The following SYT1 variants were observed in gnomAD, a reference collection of about 807,000 sequenced individuals.
The protein encoded by SYT1 is synaptotagmin 1.
SYT1 carries 8 observed loss-of-function variants against 44.8 expected under a neutral mutation model. That is an observed-to-expected ratio of 0.18 (90% CI 0.10 to 0.32). The LOEUF is 0.32. SYT1 is among the 10% of genes least tolerant of loss of function. The probability of loss-of-function intolerance (pLI) is 1.00; values close to 1 mark genes in which losing one functional copy is unlikely to be tolerated. For missense variants in SYT1, 286 were observed against 509.3 expected (o/e 0.56, Z 4.22); for synonymous variants, 154 against 188.8 (o/e 0.82, Z 1.51).
At chr12:78,876,974 C>T (rs140779564) in intron 1 of SYT1, among the ~76,000 whole-genome samples, 1,391 of 79,024 alleles carry the variant, frequency 0.018, 17 homozygotes, top group South Asian at 0.091. Context: ...ATGCACCTGG[C>T]TCCTCTAGTA....
intron 3 of SYT1, among the ~76,000 whole-genome samples, chr12:79,188,513 C>A (rs2138439430): frequency 6.6e-6 from 1 of 152,136 alleles, no homozygotes; most frequent in African/African-American, 2.4e-5. Context: ...CTTCCTTTAT[C>A]TTTATTGCAT....
At chr12:79,037,100 C>G (rs990391077) in intron 2 of SYT1, among the ~76,000 whole-genome samples, 10 of 151,816 alleles carry the variant, frequency 6.6e-5, no homozygotes, top group Admixed American at 2.0e-4. Flanking sequence ...CAACCAAAGC[C>G]CCCCCAGGTA....
At chr12:79,234,709 TTTC>T (rs1313068087) in intron 4 of SYT1, among the ~76,000 whole-genome samples, 245 of 21,900 alleles carry the variant, frequency 0.011, no homozygotes, top group African/African-American at 0.029. Flanking sequence ...TCTTTCTTTC[TTTC>T]TTTTTTTTTT....
At chr12:79,268,587 T>C (rs1321775534) in intron 4 of SYT1, among the ~76,000 whole-genome samples, 1 of 152,228 alleles carries the variant, frequency 6.6e-6, no homozygotes, top group East Asian at 1.9e-4. Context: ...CCCTAAAAAG[T>C]CACAGGTAAC....
At chr12:79,171,996 G>C (rs1871555481) in intron 3 of SYT1, among the ~76,000 whole-genome samples, 1 of 151,874 alleles carries the variant, frequency 6.6e-6, no homozygotes, top group Non-Finnish European at 1.5e-5. Context: ...AAGGTATCTT[G>C]ATTGTTACTA....
chr12:79,113,768 A>G (rs1879138112), intron 3 of SYT1, among the ~76,000 whole-genome samples: 1 of 152,086 alleles, frequency 6.6e-6, no homozygotes, highest in African/African-American at 2.4e-5. Flanking sequence ...CTCACCACTA[A>G]TCCCAGTTCC....
At chr12:79,130,562 A>G (rs560042229) in intron 3 of SYT1, among the ~76,000 whole-genome samples, 8 of 152,308 alleles carry the variant, frequency 5.3e-5, no homozygotes, top group Admixed American at 1.3e-4. Context: ...ATTTGGAGCA[A>G]AGATCAAGTT....
At chr12:79,287,024 T>C (rs1380155021) in intron 5 of SYT1, among the ~76,000 whole-genome samples, 4 of 152,172 alleles carry the variant, frequency 2.6e-5, no homozygotes, top group Admixed American at 2.6e-4. Context: ...TAATCAGGTG[T>C]TACAACAGGC....
chr12:79,432,283 T>C (rs1457401144), intron 9 of SYT1, among the ~76,000 whole-genome samples: 1 of 152,070 alleles, frequency 6.6e-6, no homozygotes, highest in Non-Finnish European at 1.5e-5. Flanking sequence ...TACATATGTA[T>C]ACATGTGCCA....
intron 4 of SYT1, among the ~76,000 whole-genome samples, chr12:79,281,331 C>T (rs923030924): frequency 6.6e-6 from 1 of 152,054 alleles, no homozygotes; most frequent in Non-Finnish European, 1.5e-5. Flanking sequence ...ATAGATAGAT[C>T]ATGGAATACT....
At chr12:78,896,799 T>C (rs1415737725) in intron 1 of SYT1, among the ~76,000 whole-genome samples, 1 of 151,886 alleles carries the variant, frequency 6.6e-6, no homozygotes, top group East Asian at 1.9e-4. Context: ...CTTCATTTCT[T>C]TTTGATGAAT....
At chr12:79,228,435 T>C (rs1875657097) in intron 4 of SYT1, among the ~76,000 whole-genome samples, 1 of 152,192 alleles carries the variant, frequency 6.6e-6, no homozygotes. Context: ...ATTCAGTTGC[T>C]CAGATATTTC....
chr12:79,022,244 T>C (rs760433754), intron 2 of SYT1, among the ~76,000 whole-genome samples: 5 of 151,764 alleles, frequency 3.3e-5, no homozygotes, highest in Non-Finnish European at 7.4e-5. Context: ...GTCTCTTAGA[T>C]AGGGTAAATA....
At chr12:79,183,098 A>C (rs2138419813) in intron 3 of SYT1, among the ~76,000 whole-genome samples, 1 of 152,164 alleles carries the variant, frequency 6.6e-6, no homozygotes, top group Middle Eastern at 3.4e-3. Context: ...GACTATGTGG[A>C]ATTCACTTTT....
At chr12:79,261,516 A>C (rs575224049) in intron 4 of SYT1, among the ~76,000 whole-genome samples, 1 of 152,316 alleles carries the variant, frequency 6.6e-6, no homozygotes, top group East Asian at 1.9e-4. Context: ...TTTTAAGAGA[A>C]GCAAATCAAA....
At chr12:79,211,620 G>T (rs1874462421) in intron 3 of SYT1, among the ~76,000 whole-genome samples, 1 of 122,830 alleles carries the variant, frequency 8.1e-6, no homozygotes, top group South Asian at 2.5e-4. Context: ...TCCCCAGAGT[G>T]TGATATTCCC....
chr12:79,354,689 C>A (rs539207629), intron 9 of SYT1, among the ~76,000 whole-genome samples: 3 of 152,046 alleles, frequency 2.0e-5, no homozygotes, highest in Non-Finnish European at 4.4e-5. Flanking sequence ...TTTTATTGTG[C>A]CTAGCAGTGT....
intron 3 of SYT1, among the ~76,000 whole-genome samples, chr12:79,154,188 G>T (rs577116528): frequency 6.6e-6 from 1 of 152,152 alleles, no homozygotes; most frequent in African/African-American, 2.4e-5. Context: ...TCACAGGTAT[G>T]TTAAAGAGCC....
At chr12:79,448,564 T>A (rs767180334) in intron 10 of SYT1, among the ~76,000 whole-genome samples, 1 of 152,140 alleles carries the variant, frequency 6.6e-6, no homozygotes, top group African/African-American at 2.4e-5. Context: ...TGACACAGAC[T>A]CCATGGCATG....
Sources: gnomAD v4.1 joint callset for allele counts (sites outside exome capture counted in the v4.1 genomes callset) on GRCh38, gnomAD v4.1.1 for gene constraint, MANE v1.5 for transcripts, NCBI Gene and HGNC (gene_info 2026-07-23, HGNC 2026-07-21) for gene names.